ZNF660: variants seen among roughly 807,000 people sequenced by gnomAD.
ZNF660 encodes zinc finger protein 660.
Under a neutral mutation model 23.2 loss-of-function variants are expected in ZNF660, and 24 were observed. That is an observed-to-expected ratio of 1.04 (90% CI 0.75 to 1.46). The LOEUF (loss-of-function observed/expected upper bound fraction) is 1.46. ZNF660 is among the 40% of genes most tolerant of loss of function. The pLI is 0.00. For synonymous variants in ZNF660, 117 were observed against 131.4 expected (o/e 0.89, Z 0.75); for missense variants, 373 against 396.8 (o/e 0.94, Z 0.51).
intron 2 of ZNF660, among the ~76,000 whole-genome samples, chr3:44,588,614 C>T (rs558647404): frequency 6.6e-4 from 101 of 152,218 alleles, no homozygotes; most frequent in Admixed American, 2.2e-3. Flanking sequence ...CTCCCTCAGC[C>T]TCCCAAGTAG....
At chr3:44,591,971 C>G (rs568471324) in intron 2 of ZNF660, among the ~76,000 whole-genome samples, 1 of 152,102 alleles carries the variant, frequency 6.6e-6, no homozygotes, top group Non-Finnish European at 1.5e-5. Flanking sequence ...GCACTCTAGC[C>G]TGGGCAACAG....
chr3:44,592,003 A>G (rs1230285932), intron 2 of ZNF660, among the ~76,000 whole-genome samples: 1 of 152,214 alleles, frequency 6.6e-6, no homozygotes, highest in Admixed American at 6.5e-5. Flanking sequence ...GTCTCAAAAA[A>G]CAAAAAAAAA....
In ZNF660 at chr3:44,596,072, ATGAAAT is replaced by A. The variant is rs1224275906; in HGVS notation, c.*889_*894del. 1.2e-5 allele frequency: 2 copies of A among 166,756 alleles called. No homozygotes were observed. The highest frequency in any genetic ancestry group is 4.8e-5 in the African/African-American group (2 of 41,456). The allele number at this position is 166,756 out of a possible 1,614,324, so 10.3% of individuals were successfully genotyped here. On this transcript the variant is annotated 3_prime_UTR_variant, in exon 3 of 3. Coordinates refer to ENST00000322734, the MANE Select transcript of ZNF660 (RefSeq NM_173658.4). Reference sequence around the variant, plus strand: ...CATATGTCTACACAACCAGAAAAAAATGAAATTGAAACAACTGTAGACTCAAAAACT... The same window carrying A: ...CATATGTCTACACAACCAGAAAAAAATGAAACAACTGTAGACTCAAAAACT...
rs1700640680 is a variant in ZNF660 at position 44,597,246 on chromosome 3, GT to G, written c.*2059del. ...GGTTCTGTATGTGAGTGGAAGACCA[GT>G]TGGCGTTTTCCCAGGTAGCTGCCTC... On this transcript the variant is annotated 3_prime_UTR_variant, in exon 3 of 3. Transcript: ENST00000322734. The surrounding 1 kb of genome is among the most constrained non-coding windows in gnomAD (Gnocchi z 4.1). 6.6e-6 allele frequency: 1 copy of G among 152,172 alleles called. No homozygotes were observed. Among genetic ancestry groups the G allele is most frequent in the Non-Finnish European group, 1.5e-5 (1 of 68,032 alleles). 9.4% of individuals were successfully genotyped at this position (152,172 alleles called of 1,614,324 possible). A position where few individuals can be genotyped will look rare whatever the true frequency, so the allele number is the denominator to read the frequency against.
chr3:44,587,055 A>G (rs894488362), intron 2 of ZNF660: 9 of 152,152 alleles, frequency 5.9e-5, no homozygotes, highest in African/African-American at 1.9e-4. Context: ...CTTGAGGCTT[A>G]GGCCTTTCTT....
chr3:44,597,154 G>T lies in ZNF660; in HGVS notation c.*1965G>T, dbSNP rs1700636868. 1 of 152,184 alleles carries T rather than the reference G, an allele frequency of 6.6e-6. No homozygotes were observed. Among genetic ancestry groups the T allele is most frequent in the Admixed American group, 6.5e-5 (1 of 15,282 alleles). The allele number at this position is 152,184 out of a possible 1,614,324, so 9.4% of individuals were successfully genotyped here. On this transcript the variant is annotated 3_prime_UTR_variant, in exon 3 of 3. Coordinates refer to ENST00000322734, the MANE Select transcript of ZNF660 (RefSeq NM_173658.4). The surrounding 1 kb of genome is among the most constrained non-coding windows in gnomAD (Gnocchi z 4.1). ...TAGTAAGTTGTCGGAGCCAGGATTT[G>T]AGCTCAGATCTGACTTTGAAATTCA...
At chr3:44,592,601 T>C (rs1252834369) in intron 2 of ZNF660, among the ~76,000 whole-genome samples, 1 of 152,146 alleles carries the variant, frequency 6.6e-6, no homozygotes, top group Non-Finnish European at 1.5e-5. Flanking sequence ...CTTAGATACT[T>C]TACTATTATG....
intron 2 of ZNF660, chr3:44,587,148 T>C (rs939408882): frequency 6.6e-6 from 1 of 152,194 alleles, no homozygotes; most frequent in Non-Finnish European, 1.5e-5. Flanking sequence ...TCTTATTCCT[T>C]ACTCCACTGC....
chr3:44,594,554 C>T lies in ZNF660; in HGVS notation c.361C>T (p.Leu121Phe). The T allele has an allele frequency of 6.2e-7, 1 of 1,614,164 alleles. No homozygotes were observed. The highest frequency in any genetic ancestry group is 8.5e-7 in the Non-Finnish European group (1 of 1,180,028). The change falls in exon 3 of 3, where the codon CTT (leucine) becomes TTT (phenylalanine). Residue 121 changes from leucine (L) to phenylalanine (F), a missense_variant. Transcript: ENST00000322734. ...CGKSFSGKSH[L>F]IRHQGIHSGE... ...GAAATCTTTCAGTGGAAAGTCACATCTTATTCGGCACCAGGGAATCCACAG... is the reference window on the plus strand; with the variant it reads ...GAAATCTTTCAGTGGAAAGTCACATTTTATTCGGCACCAGGGAATCCACAG...
chr3:44,594,511 T>C lies in ZNF660; in HGVS notation c.318T>C (p.Tyr106=), dbSNP rs753047736. Residue 106 remains tyrosine, a synonymous_variant, in exon 3 of 3, where the codon TAT becomes TAC. Transcript: ENST00000322734. ...HRRIHTGLKP[Y]TCSECGKSFS... is the part of the protein sequence containing the mutation. Reference sequence around the variant, plus strand: ...GAATCCACACTGGACTGAAGCCCTATACATGCAGTGAATGTGGGAAATCTT... The same window carrying C: ...GAATCCACACTGGACTGAAGCCCTACACATGCAGTGAATGTGGGAAATCTT... The C allele has an allele frequency of 3.7e-6, 6 of 1,614,150 alleles. No individual in the cohort carries two copies. The highest frequency in any genetic ancestry group is 5.1e-6 in the Non-Finnish European group (6 of 1,180,032).
At position 44,594,460 on chromosome 3, in the gene ZNF660, T is replaced by C; in HGVS notation, c.267T>C (p.His89=). 1 of 1,614,108 alleles carries C rather than the reference T, an allele frequency of 6.2e-7. No individual in the cohort carries two copies. The highest frequency in any genetic ancestry group is 1.7e-5 in the Admixed American group (1 of 60,030). The change falls in exon 3 of 3, where the codon CAT becomes CAC. Residue 89 remains histidine, a synonymous_variant. Coordinates refer to ENST00000322734, the MANE Select transcript of ZNF660 (RefSeq NM_173658.4). The part of the protein sequence containing the change: ...KCKECGKAFS[H]SSNLVVHRRI... ...AGGAGTGTGGAAAAGCTTTCAGTCA[T>C]AGCTCTAACCTTGTTGTTCATCGGA...
chr3:44,585,780 C>G (rs766040476), intron 1 of ZNF660, among the ~76,000 whole-genome samples: 2 of 152,146 alleles, frequency 1.3e-5, no homozygotes, highest in Admixed American at 1.3e-4. Context: ...CAAGGAAGTT[C>G]TCCACTGCAT....
rs1700560511 is a variant in ZNF660, at chr3:44,594,879, T to C, written c.686T>C (p.Leu229Ser). Reference sequence around the variant, plus strand: ...GATGAGTGTGGAAAAACTTTCATCTTAAGGAAAACTCTTAATGAACACCAG... The same window carrying C: ...GATGAGTGTGGAAAAACTTTCATCTCAAGGAAAACTCTTAATGAACACCAG... ...ECDECGKTFI[L>S]RKTLNEHQRL... Residue 229 changes from leucine to serine, a missense_variant, in exon 3 of 3, where the codon TTA becomes TCA. By Grantham distance (145) the Leu-to-Ser change is moderately radical. Coordinates refer to ENST00000322734, the MANE Select transcript of ZNF660 (RefSeq NM_173658.4). 6.2e-7 allele frequency: 1 copy of C among 1,614,022 alleles called. No homozygotes were observed. The highest frequency in any genetic ancestry group is 1.3e-5 in the African/African-American group (1 of 75,022).
chr3:44,599,000 G>A lies in ZNF660; in HGVS notation c.*3811G>A, dbSNP rs9867464. On this transcript the variant is annotated 3_prime_UTR_variant, in exon 3 of 3. Transcript: ENST00000322734. ...GGTCACGGAGCAAGACCCTGTCTCA[G>A]AAACAAAACAGTACAAAACAAAAAA... The A allele has an allele frequency of 0.3, 45,215 of 151,878 alleles. 7,310 individuals carry two copies. Among genetic ancestry groups the A allele is most frequent in the African/African-American group, 0.35 (14,455 of 41,300 alleles). The allele number at this position is 151,878 out of a possible 1,614,324, so 9.4% of individuals were successfully genotyped here. A position where few individuals can be genotyped will look rare whatever the true frequency, so the allele number is the denominator to read the frequency against.
intron 1 of ZNF660, among the ~76,000 whole-genome samples, chr3:44,585,386 T>C (rs1700195795): frequency 6.6e-6 from 1 of 152,204 alleles, no homozygotes; most frequent in Non-Finnish European, 1.5e-5. Context: ...GTGAGGAACC[T>C]GGGGCCCAGA....
Position 44,599,376 on chromosome 3 carries a change from G to A in ZNF660, c.*4187G>A, listed in dbSNP as rs368523519. The A allele has an allele frequency of 1.3e-5, 2 of 152,132 alleles. No homozygotes were observed. The highest frequency in any genetic ancestry group is 2.4e-5 in the African/African-American group (1 of 41,400). The allele number at this position is 152,132 out of a possible 1,614,324, so 9.4% of individuals were successfully genotyped here. A position where few individuals can be genotyped will look rare whatever the true frequency, so the allele number is the denominator to read the frequency against. On this transcript the variant is annotated 3_prime_UTR_variant, in exon 3 of 3. Transcript: ENST00000322734. Reference sequence around the variant, plus strand: ...AGAAATCTTTTTTCATAGATGGTGCGTCCTGTGTTAGGTATTACTTGGAAG... The same window carrying A: ...AGAAATCTTTTTTCATAGATGGTGCATCCTGTGTTAGGTATTACTTGGAAG...
At chr3:44,593,900 C>A in intron 2 of ZNF660, 114 bp from the exon 3 acceptor site, 1 of 485,052 alleles carries the variant, frequency 2.1e-6, no homozygotes, top group Non-Finnish European at 3.9e-6. Context: ...ATCTGTTCCC[C>A]TGCCCTTGAA....
At chr3:44,587,410 T>A (rs1700263054) in intron 2 of ZNF660, among the ~76,000 whole-genome samples, 1 of 152,192 alleles carries the variant, frequency 6.6e-6, no homozygotes, top group Admixed American at 6.5e-5. Context: ...ATACATTCAC[T>A]GGCTGTCTGA....
chr3:44,593,251 T>C (rs564307881), intron 2 of ZNF660, among the ~76,000 whole-genome samples: 3 of 152,326 alleles, frequency 2.0e-5, no homozygotes, highest in Admixed American at 6.5e-5. Context: ...AGAATCCTAG[T>C]TGCTATTCTA....
Sources: allele counts gnomAD v4.1 joint callset (sites outside exome capture counted in the v4.1 genomes callset), GRCh38; gene constraint gnomAD v4.1.1; non-coding constraint Gnocchi (gnomAD v3.1); transcripts MANE v1.5; gene names NCBI Gene and HGNC (gene_info 2026-07-23, HGNC 2026-07-21).